The following TARS1 variants were observed in gnomAD, a reference collection of about 807,000 sequenced individuals.
TARS1 encodes the protein threonine--tRNA ligase 1, cytoplasmic.
In TARS1, 57 loss-of-function variants were observed where a neutral mutation model predicts 97.7. The observed-to-expected ratio is 0.58, with a 90% CI of 0.47 to 0.73. TARS1 has a LOEUF of 0.73. Ranked by LOEUF, TARS1 falls within the 30% of genes least tolerant of loss-of-function variation. TARS1 has a pLI of 0.00. For missense variants in TARS1, 806 were observed against 888.3 expected, an observed-to-expected ratio of 0.91 and a Z score of 1.18; for synonymous variants, 312 against 293.7, an observed-to-expected ratio of 1.06 and a Z score of -0.64.
Position 33,441,096 on chromosome 5 carries a change from GAGA to G in TARS1, c.13_15del (p.Lys5del), listed in dbSNP as rs1474551223. Reference sequence around the variant, plus strand: ...GCTTCGTCGTTCGCCAATGTTTGAGGAGAAGGCCAGCAGTCCTTCAGGGAAGAT... The same window carrying G: ...GCTTCGTCGTTCGCCAATGTTTGAGGAGGCCAGCAGTCCTTCAGGGAAGAT... On this transcript the variant is annotated inframe_deletion, in exon 1 of 19. Transcript: ENST00000265112. 3.7e-6 allele frequency: 6 copies of G among 1,614,124 alleles called. No individual in the cohort carries two copies. In the East Asian group the frequency reaches 1.1e-4, roughly 30 times the overall value.
chr5:33,460,829 C>A (rs151003926), intron 11 of TARS1, 73 bp from the exon 12 acceptor site: 2 of 1,548,806 alleles, frequency 1.3e-6, no homozygotes, highest in Non-Finnish European at 1.8e-6. Context: ...GACAACCTTT[C>A]GTGTAATTAA....
chr5:33,445,209 A>G, intron 1 of TARS1, 115 bp from the exon 2 acceptor site: 2 of 795,264 alleles, frequency 2.5e-6, no homozygotes, highest in South Asian at 2.1e-5. Flanking sequence ...TCAGATTTCC[A>G]TTTTTTTTAA....
chr5:33,455,736 G>T (rs1169155384), intron 6 of TARS1, 32 bp downstream of exon 6: 3 of 1,413,410 alleles, frequency 2.1e-6, no homozygotes, highest in Non-Finnish European at 3.0e-6. Context: ...GGCCCCCACT[G>T]TTAATATCAT....
rs1741798019 is a variant in TARS1, at chr5:33,452,567, G to A, written c.330-722G>A. 3.5e-5 allele frequency: 24 copies of A among 691,046 alleles called. No individual in the cohort carries two copies. In the South Asian group the frequency reaches 3.7e-4, roughly 11 times the overall value. The allele number at this position is 691,046 out of a possible 1,614,324, so 42.8% of individuals were successfully genotyped here. ...CATCACTTGATGATACTTTATGTTCGATGTTGTATATTGGGTGTGTAATGT... is the reference window on the plus strand; with the variant it reads ...CATCACTTGATGATACTTTATGTTCAATGTTGTATATTGGGTGTGTAATGT... On this transcript the variant is annotated intron_variant, in intron 3 of 18. Transcript: ENST00000265112.
At position 33,453,425 on chromosome 5, in the gene TARS1, T is replaced by TAC; in HGVS notation, c.453+13_453+14insAC. The TAC allele has an allele frequency of 6.2e-7, 1 of 1,613,178 alleles. No individual in the cohort carries two copies. The highest frequency in any genetic ancestry group is 8.5e-7 in the Non-Finnish European group (1 of 1,179,840). On this transcript the variant is annotated intron_variant, in intron 4 of 18. Coordinates refer to ENST00000265112, the MANE Select transcript of TARS1 (RefSeq NM_152295.5). Reference sequence around the variant, plus strand: ...GGAAGCTCAGGCAGTAAGTTGCTGATTAGTATTCATTGAATTTTAGGATGC... The same window carrying TAC: ...GGAAGCTCAGGCAGTAAGTTGCTGATACTAGTATTCATTGAATTTTAGGATGC...
chr5:33,445,256 T>C (rs2111926774), intron 1 of TARS1, 68 bp from the exon 2 acceptor site: 10 of 1,208,592 alleles, frequency 8.3e-6, no homozygotes, highest in Non-Finnish European at 1.2e-5. Context: ...TTCTCAACAC[T>C]TCCTGGGGCA....
intron 8 of TARS1, 52 bp downstream of exon 8, chr5:33,456,279 A>G (rs2111557332): frequency 7.3e-7 from 1 of 1,374,164 alleles, no homozygotes; most frequent in South Asian, 1.3e-5. Flanking sequence ...GAATAGATAT[A>G]TGTTTAAACT....
intron 1 of TARS1, among the ~76,000 whole-genome samples, chr5:33,443,495 TGTC>T (rs1227922010): frequency 1.0e-3 from 150 of 150,336 alleles, no homozygotes; most frequent in African/African-American, 3.5e-3. Flanking sequence ...TTTTTTTTGT[TGTC>T]GTTGTTGTTG....
intron 9 of TARS1, 59 bp from the exon 10 acceptor site, chr5:33,458,507 T>C (rs1742136208): frequency 4.8e-6 from 7 of 1,447,048 alleles, no homozygotes; most frequent in Non-Finnish European, 4.8e-6. Context: ...AATTTATGTA[T>C]ATATACACAC....
chr5:33,457,471 G>A (rs1742084985), intron 9 of TARS1, 68 bp downstream of exon 9: 10 of 1,551,474 alleles, frequency 6.4e-6, no homozygotes, highest in Non-Finnish European at 7.9e-6. Flanking sequence ...TTGAAATTCA[G>A]CTGCATGAAG....
At chr5:33,465,266 G>A (rs1399530310) in intron 17 of TARS1, among the ~76,000 whole-genome samples, 1 of 152,186 alleles carries the variant, frequency 6.6e-6, no homozygotes, top group African/African-American at 2.4e-5. Flanking sequence ...GTAGGAAGAA[G>A]TTCTGTATTG....
intron 3 of TARS1, among the ~76,000 whole-genome samples, chr5:33,450,543 G>C (rs570117163): frequency 6.6e-6 from 1 of 152,328 alleles, no homozygotes; most frequent in East Asian, 1.9e-4. Context: ...GAAGTAAAAA[G>C]TTGTAATACC....
intron 13 of TARS1, 145 bp from the exon 14 acceptor site, chr5:33,461,522 G>T (rs557907317): frequency 2.1e-6 from 2 of 960,560 alleles, no homozygotes; most frequent in Non-Finnish European, 3.1e-6. Context: ...AAAGGGGTTG[G>T]TATGAGCATA....
chr5:33,441,535 C>G (rs2111908695), intron 1 of TARS1: 1 of 177,910 alleles, frequency 5.6e-6, no homozygotes, highest in Middle Eastern at 2.7e-3. Flanking sequence ...AATCAATCTC[C>G]TAAGATCCTG....
intron 3 of TARS1, 142 bp downstream of exon 3, chr5:33,448,873 T>G (rs1405465269): frequency 1.5e-6 from 1 of 650,834 alleles, no homozygotes; most frequent in African/African-American, 1.9e-5. Flanking sequence ...CTACTTGAGA[T>G]TTTTTAAAAA....
At chr5:33,463,512 T>A (rs1742391488) in intron 16 of TARS1, among the ~76,000 whole-genome samples, 1 of 152,226 alleles carries the variant, frequency 6.6e-6, no homozygotes, top group African/African-American at 2.4e-5. Flanking sequence ...GCTATCTACT[T>A]AGCAAGACAA....
intron 11 of TARS1, among the ~76,000 whole-genome samples, 172 bp from the exon 12 acceptor site, chr5:33,460,730 T>C (rs562537090): frequency 8.5e-5 from 13 of 152,364 alleles, no homozygotes; most frequent in South Asian, 8.3e-4. Flanking sequence ...TTATTTGCTG[T>C]TTTATTCATG....
chr5:33,442,457 A>G (rs551830625), intron 1 of TARS1, among the ~76,000 whole-genome samples: 118 of 151,924 alleles, frequency 7.8e-4, no homozygotes, highest in African/African-American at 2.8e-3. Flanking sequence ...TCCTGTAATA[A>G]TTATACAATA....
intron 1 of TARS1, among the ~76,000 whole-genome samples, chr5:33,444,182 TTA>T (rs1741296489): frequency 1.4e-4 from 22 of 152,210 alleles, no homozygotes; most frequent in Admixed American, 1.4e-3. Flanking sequence ...GTGATTCTAT[TTA>T]TATGAAATTC....
Sources: gnomAD v4.1 joint callset for allele counts (sites outside exome capture counted in the v4.1 genomes callset) on GRCh38, gnomAD v4.1.1 for gene constraint, MANE v1.5 for transcripts, NCBI Gene and HGNC (gene_info 2026-07-23, HGNC 2026-07-21) for gene names.